Variants in KIZ observed in about 807,000 individuals in gnomAD.
The protein encoded by KIZ is kizuna centrosomal protein.
In KIZ, 68 loss-of-function variants were observed where a neutral mutation model predicts 79.6. That is an observed-to-expected ratio of 0.85 (90% CI 0.70 to 1.05). The LOEUF (loss-of-function observed/expected upper bound fraction) is 1.05. Ranked by LOEUF, KIZ falls within the 50% of genes least tolerant of loss-of-function variation. The probability of loss-of-function intolerance (pLI) is 0.00; values close to 1 mark genes in which losing one functional copy is unlikely to be tolerated. For missense variants in KIZ, 797 were observed against 800.4 expected (o/e 1.00, Z 0.05); for synonymous variants, 280 against 281.8 (o/e 0.99, Z 0.06).
At chr20:21,221,323 T>A (rs2036495494) in intron 9 of KIZ, among the ~76,000 whole-genome samples, 1 of 152,202 alleles carries the variant, frequency 6.6e-6, no homozygotes, top group South Asian at 2.1e-4. Flanking sequence ...GAGTGGGCAC[T>A]TAATTTGTCA....
intron 4 of KIZ, among the ~76,000 whole-genome samples, chr20:21,160,739 G>A (rs978353933): frequency 2.0e-5 from 3 of 152,114 alleles, no homozygotes; most frequent in African/African-American, 7.2e-5. Flanking sequence ...GGTTTTTGAG[G>A]GTGAGGACTT....
At chr20:21,133,995 A>G (rs529210741) in intron 2 of KIZ, among the ~76,000 whole-genome samples, 1 of 152,310 alleles carries the variant, frequency 6.6e-6, no homozygotes, top group African/African-American at 2.4e-5. Context: ...AGGCTTTTCC[A>G]TGCTGCAAAC....
chr20:21,140,004 T>C (rs1336918577), intron 3 of KIZ, among the ~76,000 whole-genome samples: 1 of 152,190 alleles, frequency 6.6e-6, no homozygotes, highest in Non-Finnish European at 1.5e-5. Context: ...GAATGTTTGT[T>C]GTGTGCCTAC....
intron 6 of KIZ, among the ~76,000 whole-genome samples, chr20:21,193,891 A>G (rs1008126900): frequency 2.7e-5 from 4 of 149,948 alleles, no homozygotes; most frequent in African/African-American, 9.8e-5. Context: ...GCATTAGGAG[A>G]TATACCTAAT....
intron 4 of KIZ, among the ~76,000 whole-genome samples, chr20:21,155,062 T>C (rs2033309002): frequency 6.6e-6 from 1 of 152,212 alleles, no homozygotes; most frequent in Non-Finnish European, 1.5e-5. Context: ...TAATTGCCGG[T>C]GGGAATGTAA....
At chr20:21,166,410 A>C (rs1209362012) in intron 6 of KIZ, 8 of 1,597,184 alleles carry the variant, frequency 5.0e-6, no homozygotes, top group Non-Finnish European at 6.8e-6. Context: ...TGTGAGGTTC[A>C]CAACAATTTC....
intron 11 of KIZ, among the ~76,000 whole-genome samples, chr20:21,237,284 A>C (rs566182626): frequency 6.9e-4 from 103 of 150,088 alleles, no homozygotes; most frequent in African/African-American, 2.4e-3. Flanking sequence ...CCTGGGTGAC[A>C]GAACAAAACT....
chr20:21,228,552 C>A (rs775103972), intron 9 of KIZ, among the ~76,000 whole-genome samples: 7 of 152,194 alleles, frequency 4.6e-5, no homozygotes, highest in Non-Finnish European at 8.8e-5. Context: ...CCAGCTGTCA[C>A]CACCCTTCCT....
chr20:21,198,276 A>G (rs1247199685), intron 6 of KIZ: 1 of 152,132 alleles, frequency 6.6e-6, no homozygotes, highest in Non-Finnish European at 1.5e-5. Flanking sequence ...GTTAGCCAGG[A>G]TGGTCTCGAT....
intron 10 of KIZ, among the ~76,000 whole-genome samples, chr20:21,230,749 T>G (rs1390405975): frequency 6.6e-6 from 1 of 152,204 alleles, no homozygotes; most frequent in African/African-American, 2.4e-5. Context: ...TTGTAGTTTA[T>G]TGAGTTATAA....
At chr20:21,230,203 A>G (rs1170597828) in intron 10 of KIZ, among the ~76,000 whole-genome samples, 1 of 152,218 alleles carries the variant, frequency 6.6e-6, no homozygotes, top group Non-Finnish European at 1.5e-5. Flanking sequence ...AACCAGGCAC[A>G]GTGGCTCATG....
intron 6 of KIZ, chr20:21,197,694 G>A (rs1259924800): frequency 6.6e-6 from 1 of 152,184 alleles, no homozygotes; most frequent in Non-Finnish European, 1.5e-5. Flanking sequence ...TTATGTCTTT[G>A]TTGAGAGACA....
chr20:21,126,152 A>G lies in KIZ; in HGVS notation c.37A>G (p.Ser13Gly), dbSNP rs1472745976. 4 of 1,512,426 alleles carry G rather than the reference A, an allele frequency of 2.6e-6. No individual in the cohort carries two copies. The African/African-American group carries it at 4.3e-5, about 16-fold the overall frequency. 93.7% of individuals were successfully genotyped at this position (1,512,426 alleles called of 1,614,324 possible). Residue 13 changes from serine to glycine, a missense_variant, in exon 1 of 13, where the codon AGT becomes GGT. Coordinates refer to ENST00000619189, the MANE Select transcript of KIZ (RefSeq NM_018474.6). Reference sequence around the variant, plus strand: ...CCTCGCATCGGCCGTGCCCCTGTCGAGTCCCGACTACTACGAGAGGCTGGG... The same window carrying G: ...CCTCGCATCGGCCGTGCCCCTGTCGGGTCCCGACTACTACGAGAGGCTGGG... The part of the protein sequence containing the change: ...RTLASAVPLS[S>G]PDYYERLGQL...
intron 10 of KIZ, among the ~76,000 whole-genome samples, chr20:21,230,706 T>C (rs905490342): frequency 1.3e-5 from 2 of 152,182 alleles, no homozygotes; most frequent in African/African-American, 4.8e-5. Flanking sequence ...ATTGTGGTGT[T>C]AGTGGTGATT....
intron 6 of KIZ, among the ~76,000 whole-genome samples, chr20:21,175,249 C>A (rs2034384404): frequency 6.6e-6 from 1 of 152,156 alleles, no homozygotes; most frequent in African/African-American, 2.4e-5. Context: ...GTTAGCTCAC[C>A]TAGTTTCTGA....
At chr20:21,207,872 G>A (rs144587543) in intron 7 of KIZ, among the ~76,000 whole-genome samples, 7 of 151,932 alleles carry the variant, frequency 4.6e-5, no homozygotes, top group African/African-American at 1.4e-4. Flanking sequence ...CACCATGCCC[G>A]GCTGATTTTT....
At chr20:21,147,055 CAGTT>C (rs2032884612) in intron 4 of KIZ, among the ~76,000 whole-genome samples, 1 of 152,108 alleles carries the variant, frequency 6.6e-6, no homozygotes, top group Non-Finnish European at 1.5e-5. Flanking sequence ...ATCTAGAAGC[CAGTT>C]AGTTCTTTCT....
At position 21,189,883 on chromosome 20, in the gene KIZ, C is replaced by T. The variant is rs908394411; in HGVS notation, c.1353-15608C>T. On this transcript the variant is annotated intron_variant, in intron 6 of 12. Transcript: ENST00000619189. The stretch of plus-strand genomic sequence containing the variant: ...TGTCCCCTCCTTCCCTCCTTTTTGG[C>T]ATTGTGCTCCCTTCAAGTGGCCCCC... Among the ~76,000 whole-genome samples the T allele has an allele frequency of 2.0e-5, 3 of 152,134 alleles. No homozygotes were observed. In the East Asian group the frequency reaches 5.8e-4, roughly 29 times the overall value.
At chr20:21,243,098 C>G (rs2037274618) in intron 11 of KIZ, among the ~76,000 whole-genome samples, 1 of 152,110 alleles carries the variant, frequency 6.6e-6, no homozygotes. Flanking sequence ...TGCAGGCTCA[C>G]CTCACTGACA....
Sources: allele counts gnomAD v4.1 joint callset (sites outside exome capture counted in the v4.1 genomes callset), GRCh38; gene constraint gnomAD v4.1.1; transcripts MANE v1.5; gene names NCBI Gene and HGNC (gene_info 2026-07-23, HGNC 2026-07-21).